The following TAFA1 variants were observed in gnomAD, a reference collection of about 807,000 sequenced individuals.
The protein encoded by TAFA1 is chemokine-like protein TAFA-1.
Under a neutral mutation model 18.5 loss-of-function variants are expected in TAFA1, and 4 were observed. The ratio of observed to expected loss-of-function variants is 0.22; its 90% CI spans 0.11 to 0.49. The LOEUF is 0.49. Among genes scored for constraint, TAFA1 ranks in the 20% least tolerant of loss-of-function variants. TAFA1 has a pLI of 0.98. For missense variants in TAFA1, 147 were observed against 169.0 expected (o/e 0.87, Z 0.72); for synonymous variants, 56 against 55.2 (o/e 1.01, Z -0.06).
At chr3:68,352,019 T>C (rs1054592964) in intron 2 of TAFA1, among the ~76,000 whole-genome samples, 1 of 151,926 alleles carries the variant, frequency 6.6e-6, no homozygotes, top group African/African-American at 2.4e-5. Flanking sequence ...GAATGCTCTA[T>C]TAAGAGCATT....
chr3:68,404,526 G>A (rs974106062), intron 2 of TAFA1, among the ~76,000 whole-genome samples: 25 of 152,180 alleles, frequency 1.6e-4, no homozygotes, highest in African/African-American at 6.0e-4. Flanking sequence ...AGGGCTGGGT[G>A]TGGTGGCTCA....
At chr3:68,287,907 T>TG (rs35069967) in intron 2 of TAFA1, among the ~76,000 whole-genome samples, 5,458 of 49,954 alleles carry the variant, frequency 0.11, 381 homozygotes, top group Non-Finnish European at 0.18. Context: ...TTGTTTTTGT[T>TG]GGGGGGTGGG....
At chr3:68,222,877 T>C (rs977404614) in intron 2 of TAFA1, among the ~76,000 whole-genome samples, 3 of 152,112 alleles carry the variant, frequency 2.0e-5, no homozygotes, top group Admixed American at 2.0e-4. Flanking sequence ...TTTACCATCT[T>C]GGCCAGGCTG....
At chr3:68,394,964 C>G (rs887108450) in intron 2 of TAFA1, among the ~76,000 whole-genome samples, 5 of 152,022 alleles carry the variant, frequency 3.3e-5, no homozygotes, top group Non-Finnish European at 5.9e-5. Context: ...CTAATTAAAT[C>G]AAAGAGCTCT....
intron 2 of TAFA1, among the ~76,000 whole-genome samples, chr3:68,179,282 T>G (rs1363058374): frequency 6.6e-6 from 1 of 152,246 alleles, no homozygotes; most frequent in Non-Finnish European, 1.5e-5. Flanking sequence ...TTTCTTTGAT[T>G]TCTTTCCTCT....
intron 2 of TAFA1, among the ~76,000 whole-genome samples, chr3:68,401,702 C>G (rs532264977): frequency 4.5e-4 from 69 of 152,280 alleles, no homozygotes; most frequent in Non-Finnish European, 9.4e-4. Flanking sequence ...GGACCAGGTA[C>G]CAGCCCTTGT....
intron 2 of TAFA1, among the ~76,000 whole-genome samples, chr3:68,164,746 A>T (rs183584944): frequency 3.3e-5 from 5 of 151,964 alleles, no homozygotes; most frequent in Admixed American, 2.0e-4. Context: ...TTTGTGGATT[A>T]TCTATGATGT....
intron 2 of TAFA1, among the ~76,000 whole-genome samples, chr3:68,168,449 A>G (rs2106953543): frequency 6.6e-6 from 1 of 152,334 alleles, no homozygotes; most frequent in South Asian, 2.1e-4. Context: ...AGCAAGTGTT[A>G]ATAGTTGATA....
At chr3:68,509,358 A>G (rs899236478) in intron 3 of TAFA1, among the ~76,000 whole-genome samples, 31 of 152,090 alleles carry the variant, frequency 2.0e-4, no homozygotes, top group African/African-American at 7.0e-4. Context: ...GAGGTCATTG[A>G]AGGACACTGA....
At chr3:68,044,318 G>A (rs995337414) in intron 2 of TAFA1, among the ~76,000 whole-genome samples, 7 of 152,052 alleles carry the variant, frequency 4.6e-5, no homozygotes, top group Non-Finnish European at 8.8e-5. Flanking sequence ...TTCTTTTATG[G>A]TTTGTCACTG....
At chr3:68,380,308 G>C (rs2069915012) in intron 2 of TAFA1, among the ~76,000 whole-genome samples, 4 of 152,122 alleles carry the variant, frequency 2.6e-5, no homozygotes, top group Non-Finnish European at 1.5e-5. Context: ...GGGTCAAATG[G>C]CATTTCTAGT....
At chr3:68,130,615 G>A (rs1260589376) in intron 2 of TAFA1, among the ~76,000 whole-genome samples, 3 of 152,146 alleles carry the variant, frequency 2.0e-5, no homozygotes, top group African/African-American at 7.2e-5. Context: ...TTGTGCCACT[G>A]CCTACAAAGC....
chr3:68,351,450 C>G (rs2069265512), intron 2 of TAFA1, among the ~76,000 whole-genome samples: 1 of 151,806 alleles, frequency 6.6e-6, no homozygotes, highest in Admixed American at 6.6e-5. Flanking sequence ...TCTTCAACCC[C>G]CATAGGTTTG....
chr3:68,172,582 G>A (rs781597915), intron 2 of TAFA1, among the ~76,000 whole-genome samples: 4 of 152,090 alleles, frequency 2.6e-5, no homozygotes, highest in Non-Finnish European at 5.9e-5. Flanking sequence ...GTTTACAGCA[G>A]CATAATTCAT....
chr3:68,322,597 C>T (rs2068712230), intron 2 of TAFA1, among the ~76,000 whole-genome samples: 1 of 152,022 alleles, frequency 6.6e-6, no homozygotes. Flanking sequence ...TTTGGGAGGC[C>T]AAGGAGGGAG....
At chr3:68,361,068 A>G (rs1245633410) in intron 2 of TAFA1, among the ~76,000 whole-genome samples, 1 of 152,054 alleles carries the variant, frequency 6.6e-6, no homozygotes, top group African/African-American at 2.4e-5. Flanking sequence ...ATGACCTCAC[A>G]CTGGCCTTCA....
chr3:68,466,417 A>T (rs2071885404), intron 3 of TAFA1, among the ~76,000 whole-genome samples: 1 of 152,116 alleles, frequency 6.6e-6, no homozygotes, highest in Admixed American at 6.6e-5. Flanking sequence ...GCCTGTCTTG[A>T]CTGAAACAAT....
intron 4 of TAFA1, among the ~76,000 whole-genome samples, chr3:68,543,563 C>T (rs2073411426): frequency 6.6e-6 from 1 of 152,134 alleles, no homozygotes; most frequent in African/African-American, 2.4e-5. Context: ...TTTTCTGTAA[C>T]TGGCCCAACA....
chr3:68,000,043 C>T (rs567780552), upstream of TAFA1, among the ~76,000 whole-genome samples: 1 of 152,306 alleles, frequency 6.6e-6, no homozygotes, highest in South Asian at 2.1e-4. Context: ...CCCGCCTCGG[C>T]CTCCCAAAGT....
Sources: allele counts gnomAD v4.1 joint callset (sites outside exome capture counted in the v4.1 genomes callset), GRCh38; gene constraint gnomAD v4.1.1; transcripts MANE v1.5; gene names NCBI Gene and HGNC (gene_info 2026-07-23, HGNC 2026-07-21).